The following PALS2 variants were observed in gnomAD, a reference collection of about 807,000 sequenced individuals.
PALS2 encodes protein PALS2.
A neutral mutation model predicts 61.6 loss-of-function variants in PALS2; 27 were observed. The observed-to-expected ratio is 0.44, with a 90% CI of 0.32 to 0.60. The LOEUF is 0.60. Ranked by LOEUF, PALS2 falls within the 20% of genes least tolerant of loss-of-function variation. The pLI, the probability that PALS2 is intolerant of heterozygous loss-of-function variation, is 0.05. For missense variants in PALS2, 554 were observed against 639.4 expected, an observed-to-expected ratio of 0.87 and a Z score of 1.44; for synonymous variants, 236 against 218.6, an observed-to-expected ratio of 1.08 and a Z score of -0.70.
intron 5 of PALS2, among the ~76,000 whole-genome samples, chr7:24,653,384 A>G (rs371919061): frequency 1.5e-3 from 151 of 100,280 alleles, no homozygotes; most frequent in African/African-American, 7.9e-3. Context: ...AAAAGCCTTA[A>G]TTTTATTACA....
intron 2 of PALS2, among the ~76,000 whole-genome samples, chr7:24,629,965 A>G (rs1784925064): frequency 1.3e-5 from 2 of 152,222 alleles, no homozygotes; most frequent in Admixed American, 6.5e-5. Flanking sequence ...TGACCCAGCA[A>G]TCCATTATTG....
chr7:24,660,607 CATT>C (rs1230945852), intron 5 of PALS2, among the ~76,000 whole-genome samples: 1 of 152,124 alleles, frequency 6.6e-6, no homozygotes, highest in Non-Finnish European at 1.5e-5. Flanking sequence ...GACCTACCAT[CATT>C]TGTTTCACCA....
At chr7:24,581,693 C>A (rs928861226) in intron 1 of PALS2, among the ~76,000 whole-genome samples, 5 of 152,142 alleles carry the variant, frequency 3.3e-5, no homozygotes, top group African/African-American at 9.7e-5. Context: ...GGGCAGCCCC[C>A]CTCAACAAGG....
chr7:24,650,665 A>G lies in PALS2; in HGVS notation c.604A>G (p.Thr202Ala). 6.2e-7 allele frequency: 1 copy of G among 1,611,156 alleles called. No individual in the cohort carries two copies. Among genetic ancestry groups the G allele is most frequent in the Non-Finnish European group, 8.5e-7 (1 of 1,177,632 alleles). ...ACTGAAAAATATTAGTGGAAGTGTCACCCTAAAAATCTTACCAAGTTATAG... is the reference window on the plus strand; with the variant it reads ...ACTGAAAAATATTAGTGGAAGTGTCGCCCTAAAAATCTTACCAAGTTATAG... ...ELLKNISGSV[T>A]LKILPSYRDT... The change falls in exon 5 of 12, where the codon ACC (threonine) becomes GCC (alanine). Residue 202 changes from threonine (T) to alanine (A), a missense_variant. Transcript: ENST00000222644.
intron 9 of PALS2, among the ~76,000 whole-genome samples, chr7:24,671,769 G>A (rs1787308929): frequency 6.6e-6 from 1 of 152,010 alleles, no homozygotes. Flanking sequence ...TTATCCAGTT[G>A]TCACAACACA....
chr7:24,648,935 A>G (rs926614002), intron 3 of PALS2, among the ~76,000 whole-genome samples: 2 of 151,864 alleles, frequency 1.3e-5, no homozygotes, highest in African/African-American at 4.8e-5. Flanking sequence ...AATTCCTAGA[A>G]AGCTAGATCA....
At chr7:24,659,098 G>T (rs1786581285) in intron 5 of PALS2, among the ~76,000 whole-genome samples, 2 of 152,112 alleles carry the variant, frequency 1.3e-5, no homozygotes, top group African/African-American at 4.8e-5. Flanking sequence ...GTGAGAACAT[G>T]CAATAATCTG....
intron 1 of PALS2, among the ~76,000 whole-genome samples, chr7:24,604,486 C>T (rs1002962353): frequency 1.3e-5 from 2 of 152,054 alleles, no homozygotes; most frequent in African/African-American, 4.8e-5. Flanking sequence ...GCCTTGGAGA[C>T]ATGTGGGACA....
rs556624203 is a variant in PALS2, at chr7:24,642,044, CAT to C, written c.270+179_270+180del. On this transcript the variant is annotated intron_variant, in intron 3 of 11. Coordinates refer to ENST00000222644, the MANE Select transcript of PALS2 (RefSeq NM_001303037.2). ...CATATGCTGAGGATATATAAAGAGA[CAT>C]ATGTAACAATAATGCTACATAAATG... Among the ~76,000 whole-genome samples the C allele has an allele frequency of 1.5e-4, 23 of 152,256 alleles. No homozygotes were observed. The East Asian group carries it at 3.7e-3, about 24-fold the overall frequency.
chr7:24,611,348 T>G (rs1378189305), intron 1 of PALS2, among the ~76,000 whole-genome samples: 1 of 152,118 alleles, frequency 6.6e-6, no homozygotes. Context: ...TTGATAGCTT[T>G]AAGAGTACTA....
chr7:24,584,343 TGA>T (rs1782972773), intron 1 of PALS2, among the ~76,000 whole-genome samples: 1 of 149,394 alleles, frequency 6.7e-6, no homozygotes, highest in Non-Finnish European at 1.5e-5. Context: ...GACTTTTTAA[TGA>T]TTGCCATTCT....
intron 1 of PALS2, among the ~76,000 whole-genome samples, chr7:24,613,356 A>G (rs1341805779): frequency 6.6e-6 from 1 of 151,714 alleles, no homozygotes; most frequent in Non-Finnish European, 1.5e-5. Flanking sequence ...TAGATTTTTA[A>G]AATAAAGTTG....
At chr7:24,658,745 CAG>C (rs1786559739) in intron 5 of PALS2, among the ~76,000 whole-genome samples, 1 of 151,218 alleles carries the variant, frequency 6.6e-6, no homozygotes, top group Non-Finnish European at 1.5e-5. Flanking sequence ...TTAGTAGAGA[CAG>C]GGTTTCATCA....
At chr7:24,595,165 T>C (rs564940037) in intron 1 of PALS2, among the ~76,000 whole-genome samples, 10 of 151,872 alleles carry the variant, frequency 6.6e-5, no homozygotes, top group Admixed American at 2.6e-4. Context: ...AAGATTTAAA[T>C]CAAAAGTTCT....
rs1206954912 is a variant in PALS2 at position 24,694,187 on chromosome 7, G to A, written c.*6573G>A. 1 of 151,988 alleles carries A rather than the reference G, an allele frequency of 6.6e-6. No individual in the cohort carries two copies. The highest frequency in any genetic ancestry group is 1.5e-5 in the Non-Finnish European group (1 of 68,004). The allele number at this position is 151,988 out of a possible 1,614,324, so 9.4% of individuals were successfully genotyped here. ...TGTTGTATAAATAAAATTTTCCTGT[G>A]GTACAATTAAGTATTGATTTTTCAG... On this transcript the variant is annotated 3_prime_UTR_variant, in exon 12 of 12. Coordinates refer to ENST00000222644, the MANE Select transcript of PALS2 (RefSeq NM_001303037.2).
At chr7:24,619,801 C>A (rs1327250058) in intron 1 of PALS2, among the ~76,000 whole-genome samples, 1 of 151,440 alleles carries the variant, frequency 6.6e-6, no homozygotes, top group Non-Finnish European at 1.5e-5. Flanking sequence ...TTTATCTCCT[C>A]TAGTGATTAT....
intron 3 of PALS2, among the ~76,000 whole-genome samples, chr7:24,645,401 A>C (rs1046875086): frequency 1.4e-4 from 22 of 152,186 alleles, no homozygotes; most frequent in African/African-American, 5.1e-4. Context: ...TGTTTTTGTC[A>C]GCTTTGTCAA....
intron 3 of PALS2, among the ~76,000 whole-genome samples, chr7:24,649,284 T>G (rs1395457496): frequency 6.6e-6 from 1 of 152,120 alleles, no homozygotes; most frequent in Non-Finnish European, 1.5e-5. Flanking sequence ...ATGACAGTGG[T>G]GGCAATAAAA....
chr7:24,667,729 A>G (rs1171778000), intron 8 of PALS2, among the ~76,000 whole-genome samples: 4 of 143,778 alleles, frequency 2.8e-5, no homozygotes, highest in African/African-American at 1.1e-4. Context: ...CAGTGGCGCA[A>G]TCTCGTCTTA....
Sources: allele counts gnomAD v4.1 joint callset (sites outside exome capture counted in the v4.1 genomes callset), GRCh38; gene constraint gnomAD v4.1.1; transcripts MANE v1.5; gene names NCBI Gene and HGNC (gene_info 2026-07-23, HGNC 2026-07-21).